The following COL18A1 variants were observed in gnomAD, a reference collection of about 807,000 sequenced individuals.
COL18A1 encodes the protein collagen alpha-1(XVIII) chain.
Under a neutral mutation model 168.0 loss-of-function variants are expected in COL18A1, and 133 were observed. The observed-to-expected ratio is 0.79, with a 90% CI of 0.69 to 0.91. COL18A1 has a LOEUF of 0.91. Ranked by LOEUF, COL18A1 falls within the 40% of genes least tolerant of loss-of-function variation. COL18A1 has a pLI of 0.00. For missense variants in COL18A1, 2,126 were observed against 1,925.4 expected (o/e 1.10, Z -1.95); for synonymous variants, 949 against 809.0 (o/e 1.17, Z -2.94).
At chr21:45,429,112 A>T (rs2033886660) in intron 2 of COL18A1, among the ~76,000 whole-genome samples, 1 of 152,054 alleles carries the variant, frequency 6.6e-6, no homozygotes, top group Admixed American at 6.5e-5. Context: ...CATGTTGGCC[A>T]GGATGGTCTC....
At position 45,418,271 on chromosome 21, in the gene COL18A1, G is replaced by A. The variant is rs576014124; in HGVS notation, c.106+12798G>A. Among the ~76,000 whole-genome samples the A allele has an allele frequency of 1.3e-4, 20 of 152,340 alleles. No homozygotes were observed. In the South Asian group the frequency reaches 2.9e-3, roughly 22 times the overall value. On this transcript the variant is annotated intron_variant, in intron 2 of 41. Transcript: ENST00000651438. ...CAGAGGGGTCTGCATCCCGGCCCCC[G>A]GCTGCCGAAGTGGTAGGGTGGGCGT... is the stretch of plus-strand genomic sequence containing the variant.
rs1389922675 is a variant in COL18A1, at chr21:45,471,207, T to C, written c.651+2421T>C. On this transcript the variant is annotated intron_variant, in intron 3 of 41. Transcript: ENST00000651438. The surrounding 1 kb of genome is among the most constrained non-coding windows in gnomAD (Gnocchi z 4.4). ...GGGTGGCGCGCTATGGGCCGTGTGC[T>C]GAGGGCTGTGTTGGTTGATCTCTGT... 2.0e-5 allele frequency among the ~76,000 whole-genome samples: 3 copies of C among 152,146 alleles called. No homozygotes were observed. Among genetic ancestry groups the C allele is most frequent in the Admixed American group, 2.0e-4 (3 of 15,272 alleles).
intron 2 of COL18A1, among the ~76,000 whole-genome samples, chr21:45,437,320 G>GCACA (rs754264326): frequency 9.0e-5 from 6 of 67,002 alleles, no homozygotes; most frequent in African/African-American, 1.7e-4. Context: ...GCACTCTCCT[G>GCACA]CACACACACA....
At chr21:45,507,393 A>G in intron 37 of COL18A1, 168 bp from the exon 38 acceptor site, 2 of 592,328 alleles carry the variant, frequency 3.4e-6, no homozygotes, top group Non-Finnish European at 5.8e-6. Flanking sequence ...CTGGGCAGGG[A>G]GCGTACCCTG....
intron 2 of COL18A1, chr21:45,456,840 C>T: frequency 1.3e-6 from 2 of 1,510,828 alleles, no homozygotes; most frequent in Non-Finnish European, 1.8e-6. Context: ...TCGCTCCCGA[C>T]CCAGGAGGAT....
rs1201799980 is a variant in COL18A1 at position 45,487,431 on chromosome 21, CGT to C, written c.1834-11_1834-10del. On this transcript the variant is annotated splice_polypyrimidine_tract_variant and intron_variant, in intron 16 of 41. Coordinates refer to ENST00000651438, the MANE Select transcript of COL18A1 (RefSeq NM_001379500.1). Reference sequence around the variant, plus strand: ...AAGGGACACAGGCCCCTACGTGTCTCGTGTGTCTCTTCCAGGATGACATGGAA... The same window carrying C: ...AAGGGACACAGGCCCCTACGTGTCTCGTGTCTCTTCCAGGATGACATGGAA... 3.1e-6 allele frequency: 5 copies of C among 1,612,274 alleles called. No individual in the cohort carries two copies. The South Asian group carries it at 3.3e-5, about 11-fold the overall frequency.
chr21:45,454,440 TG>T (rs1222366431), intron 2 of COL18A1, among the ~76,000 whole-genome samples: 1 of 151,482 alleles, frequency 6.6e-6, no homozygotes, highest in Non-Finnish European at 1.5e-5. Context: ...CTGGGGGAGC[TG>T]GCGTGCAGAG....
chr21:45,472,042 G>A (rs999790557), intron 3 of COL18A1, among the ~76,000 whole-genome samples: 1 of 152,014 alleles, frequency 6.6e-6, no homozygotes, highest in Non-Finnish European at 1.5e-5. Flanking sequence ...TCGGCCCCTC[G>A]GGGGCACTCT....
At chr21:45,493,291 A>G in intron 25 of COL18A1, 66 bp downstream of exon 25, 5 of 1,518,488 alleles carry the variant, frequency 3.3e-6, no homozygotes, top group Non-Finnish European at 4.5e-6. Context: ...GCCTGCCCAG[A>G]TGACCACTGT....
At chr21:45,470,610 C>T (rs1180665264) in intron 3 of COL18A1, among the ~76,000 whole-genome samples, 2 of 151,480 alleles carry the variant, frequency 1.3e-5, no homozygotes, top group Non-Finnish European at 2.9e-5. Flanking sequence ...CCTCAGCCTC[C>T]CAAGTAGCTG....
intron 2 of COL18A1, among the ~76,000 whole-genome samples, chr21:45,458,195 G>C (rs2034908608): frequency 6.6e-6 from 1 of 151,836 alleles, no homozygotes; most frequent in Admixed American, 6.6e-5. Flanking sequence ...GTGTGTGCAG[G>C]AGTGGGGGCC....
chr21:45,450,508 CCT>C (rs2034597982), intron 2 of COL18A1, among the ~76,000 whole-genome samples: 1 of 152,174 alleles, frequency 6.6e-6, no homozygotes, highest in African/African-American at 2.4e-5. Context: ...CTCTTTGCCC[CCT>C]GATGAACCAG....
chr21:45,453,173 G>C (rs2034686344), intron 2 of COL18A1, among the ~76,000 whole-genome samples: 2 of 152,276 alleles, frequency 1.3e-5, no homozygotes, highest in South Asian at 4.1e-4. Flanking sequence ...ATGTATGTGT[G>C]TGTGATTGTG....
intron 2 of COL18A1, among the ~76,000 whole-genome samples, chr21:45,408,888 G>A (rs974035745): frequency 4.6e-5 from 7 of 152,204 alleles, no homozygotes; most frequent in Non-Finnish European, 8.8e-5. Flanking sequence ...GATGGAGTGG[G>A]GCAACACCTG....
intron 2 of COL18A1, among the ~76,000 whole-genome samples, chr21:45,416,916 G>A (rs560453972): frequency 1.6e-4 from 24 of 152,272 alleles, no homozygotes; most frequent in African/African-American, 5.1e-4. Context: ...TCTTGCTCTC[G>A]AGAGAGTGAC....
rs991190585 is a variant in COL18A1, at chr21:45,423,586, C to T, written c.106+18113C>T. ...GAATCCCAGCCTCCTCGGGGTCAGCCCAGGTTGTCCCCACCCCCACCTGAG... is the reference window on the plus strand; with the variant it reads ...GAATCCCAGCCTCCTCGGGGTCAGCTCAGGTTGTCCCCACCCCCACCTGAG... On this transcript the variant is annotated intron_variant, in intron 2 of 41. Transcript: ENST00000651438. This position sits in a 1 kb window ranked among gnomAD's most constrained non-coding sequence, Gnocchi z 4.0. Among the ~76,000 whole-genome samples the T allele has an allele frequency of 6.6e-6, 1 of 151,990 alleles. No individual in the cohort carries two copies. The highest frequency in any genetic ancestry group is 2.4e-5 in the African/African-American group (1 of 41,380).
chr21:45,489,488 G>T lies in COL18A1; in HGVS notation c.1926G>T (p.Gly642=). Residue 642 remains glycine, a splice_region_variant and synonymous_variant, in exon 19 of 42, where the codon GGG becomes GGT. Coordinates refer to ENST00000651438, the MANE Select transcript of COL18A1 (RefSeq NM_001379500.1). Reference sequence around the variant, plus strand: ...ACGGAGCCCCTTTTTTCACTTAGGGGGATCCTGGCGTGCCTGGGCTGCCGG... The same window carrying T: ...ACGGAGCCCCTTTTTTCACTTAGGGTGATCCTGGCGTGCCTGGGCTGCCGG... The part of the protein sequence containing the change: ...QGPPGLPGLK[G]DPGVPGLPGA... The T allele has an allele frequency of 6.2e-7, 1 of 1,602,086 alleles. No homozygotes were observed.
Position 45,471,046 on chromosome 21 carries a change from G to A in COL18A1, c.651+2260G>A, listed in dbSNP as rs1216765792. 6.6e-6 allele frequency among the ~76,000 whole-genome samples: 1 copy of A among 150,944 alleles called. No individual in the cohort carries two copies. The highest frequency in any genetic ancestry group is 1.9e-4 in the East Asian group (1 of 5,134). Reference sequence around the variant, plus strand: ...CGGGCTTGTGCTGCTGGGTGTGGGTGGCGCGCTACGGGCCTTGTGCTGCTG... The same window carrying A: ...CGGGCTTGTGCTGCTGGGTGTGGGTAGCGCGCTACGGGCCTTGTGCTGCTG... On this transcript the variant is annotated intron_variant, in intron 3 of 41. Transcript: ENST00000651438. This position sits in a 1 kb window ranked among gnomAD's most constrained non-coding sequence, Gnocchi z 4.4.
chr21:45,468,725 T>A lies in COL18A1; in HGVS notation c.590T>A (p.Leu197Gln), dbSNP rs2035305984. 6.2e-7 allele frequency: 1 copy of A among 1,611,716 alleles called. No homozygotes were observed. Among genetic ancestry groups the A allele is most frequent in the Admixed American group, 1.7e-5 (1 of 59,980 alleles). Reference sequence around the variant, plus strand: ...GCTCGGTCCTCACGGGGCCTGGAGCTGGAGCCTGGCGCCGGGCTCTTCGTG... The same window carrying A: ...GCTCGGTCCTCACGGGGCCTGGAGCAGGAGCCTGGCGCCGGGCTCTTCGTG... ...PLARSSRGLE[L>Q]EPGAGLFVAQ... Residue 197 changes from leucine (L) to glutamine (Q), a missense_variant, in exon 3 of 42, where the codon CTG becomes CAG. Leu to Gln is a moderately radical substitution (Grantham distance 113). Coordinates refer to ENST00000651438, the MANE Select transcript of COL18A1 (RefSeq NM_001379500.1).
Sources: allele counts gnomAD v4.1 joint callset (sites outside exome capture counted in the v4.1 genomes callset), GRCh38; gene constraint gnomAD v4.1.1; non-coding constraint Gnocchi (gnomAD v3.1); transcripts MANE v1.5; gene names NCBI Gene and HGNC (gene_info 2026-07-23, HGNC 2026-07-21).